SETD2: variants seen among roughly 807,000 people sequenced by gnomAD.
SETD2 encodes the protein SET domain containing 2, histone lysine methyltransferase, also known as histone-lysine N-methyltransferase SETD2.
Under a neutral mutation model 242.1 loss-of-function variants are expected in SETD2, and 31 were observed. The observed-to-expected ratio is 0.13, with a 90% CI of 0.10 to 0.17. The LOEUF (loss-of-function observed/expected upper bound fraction) is 0.17. Among genes scored for constraint, SETD2 ranks in the 10% least tolerant of loss-of-function variants. The pLI is 1.00. For missense variants in SETD2, 2,481 were observed against 3,046.3 expected (o/e 0.81, Z 4.37); for synonymous variants, 1,006 against 1,066.5 (o/e 0.94, Z 1.11).
chr3:47,129,365 G>A (rs1331523287), intron 1 of SETD2, among the ~76,000 whole-genome samples: 1 of 152,190 alleles, frequency 6.6e-6, no homozygotes, highest in Non-Finnish European at 1.5e-5. Flanking sequence ...CAACTTTCCA[G>A]AGACAACTAC....
chr3:47,084,410 C>A (rs1276157489), intron 11 of SETD2, 28 bp from the exon 12 acceptor site: 1 of 1,449,144 alleles, frequency 6.9e-7, no homozygotes, highest in Non-Finnish European at 9.4e-7. Context: ...AAAATTACAT[C>A]ACTTTGTACA....
At chr3:47,143,548 T>C (rs1433821402) in intron 1 of SETD2, among the ~76,000 whole-genome samples, 1 of 152,246 alleles carries the variant, frequency 6.6e-6, no homozygotes. Flanking sequence ...AATTGCTATC[T>C]AGTCTACTGA....
At chr3:47,037,553 C>T in intron 18 of SETD2, 113 bp downstream of exon 18, 2 of 731,838 alleles carry the variant, frequency 2.7e-6, no homozygotes, top group Admixed American at 4.2e-5. Flanking sequence ...TTGATACATG[C>T]ATAGTCACTC....
intron 6 of SETD2, 82 bp from the exon 7 acceptor site, chr3:47,103,505 T>G: frequency 7.2e-6 from 7 of 978,488 alleles, no homozygotes; most frequent in South Asian, 1.3e-5. Flanking sequence ...CATACATCTC[T>G]TATGCATCAA....
At chr3:47,099,229 A>G (rs1432628049) in intron 8 of SETD2, among the ~76,000 whole-genome samples, 3 of 152,192 alleles carry the variant, frequency 2.0e-5, no homozygotes, top group South Asian at 2.1e-4. Flanking sequence ...ACCTCATCAT[A>G]TGGTAGCATT....
intron 1 of SETD2, among the ~76,000 whole-genome samples, chr3:47,147,855 G>A (rs1184569067): frequency 6.7e-5 from 10 of 148,958 alleles, no homozygotes; most frequent in Admixed American, 2.0e-4. Context: ...CCCGGGAGGC[G>A]GAGCTTGCAG....
chr3:47,041,487 CA>C (rs1021341029), intron 17 of SETD2: 18 of 203,208 alleles, frequency 8.9e-5, no homozygotes, highest in Middle Eastern at 1.9e-3. Flanking sequence ...TCTGTCTCTA[CA>C]AAAAAAAGAA....
chr3:47,155,888 T>G (rs1253064050), intron 1 of SETD2, among the ~76,000 whole-genome samples: 1 of 152,134 alleles, frequency 6.6e-6, no homozygotes, highest in East Asian at 1.9e-4. Flanking sequence ...TTCAGTGACT[T>G]AGGTGTAAAT....
intron 18 of SETD2, 25 bp downstream of exon 18, chr3:47,037,641 A>T: frequency 6.4e-7 from 1 of 1,557,446 alleles, no homozygotes; most frequent in South Asian, 1.1e-5. Flanking sequence ...AATGATCAGG[A>T]AATACATGTG....
chr3:47,111,902 A>G (rs904538836), intron 5 of SETD2, among the ~76,000 whole-genome samples: 1 of 152,122 alleles, frequency 6.6e-6, no homozygotes, highest in Non-Finnish European at 1.5e-5. Context: ...ATTAAACCCC[A>G]CCAAGTCCTG....
chr3:47,105,543 G>T, intron 6 of SETD2: 1 of 239,592 alleles, frequency 4.2e-6, no homozygotes, highest in Non-Finnish European at 8.5e-6. Flanking sequence ...TTTCTACCTT[G>T]TCATGCAACA....
intron 13 of SETD2, among the ~76,000 whole-genome samples, chr3:47,065,105 A>C (rs2040504541): frequency 6.6e-6 from 1 of 152,180 alleles, no homozygotes; most frequent in Non-Finnish European, 1.5e-5. Context: ...GTTTTAACTC[A>C]GTGATCCCAG....
chr3:47,133,473 G>C (rs1044721081), intron 1 of SETD2, among the ~76,000 whole-genome samples: 7 of 152,098 alleles, frequency 4.6e-5, no homozygotes, highest in Non-Finnish European at 5.9e-5. Flanking sequence ...ATGTGGGCCA[G>C]GCGTGGTGGT....
upstream of SETD2, chr3:47,164,543 C>G (rs1697616526): frequency 6.6e-6 from 1 of 152,238 alleles, no homozygotes; most frequent in Admixed American, 6.5e-5. This position sits in a 1 kb window ranked among gnomAD's most constrained non-coding sequence, Gnocchi z 5.4. Flanking sequence ...CCGCCGGGAG[C>G]CCCGGAGTCC....
At chr3:47,116,802 A>G (rs1050883252) in intron 3 of SETD2, 48 bp from the exon 4 acceptor site, 2 of 1,318,998 alleles carry the variant, frequency 1.5e-6, no homozygotes, top group Admixed American at 3.8e-5. Flanking sequence ...TTTCCTGGTA[A>G]AGATATAACA....
chr3:47,050,244 T>C (rs574029238), intron 15 of SETD2, among the ~76,000 whole-genome samples: 84 of 151,980 alleles, frequency 5.5e-4, no homozygotes, highest in Non-Finnish European at 1.1e-3. Flanking sequence ...TTATCACATG[T>C]ACCCTGAAAA....
In SETD2 at chr3:47,124,567, A is replaced by T. The variant is rs1173261757; in HGVS notation, c.88-19T>A. On this transcript the variant is annotated intron_variant, in intron 2 of 20. Coordinates refer to ENST00000409792, the MANE Select transcript of SETD2 (RefSeq NM_014159.7). Reference sequence around the variant, plus strand: ...TCTTTGCCTACAAATGAACAAAATAAGCAATTACTACTACAATAAATAGTT... The same window carrying T: ...TCTTTGCCTACAAATGAACAAAATATGCAATTACTACTACAATAAATAGTT... 2 of 1,521,356 alleles carry T rather than the reference A, an allele frequency of 1.3e-6. No individual in the cohort carries two copies. Among genetic ancestry groups the T allele is most frequent in the Non-Finnish European group, 1.8e-6 (2 of 1,129,964 alleles). 94.2% of individuals were successfully genotyped at this position (1,521,356 alleles called of 1,614,324 possible).
At chr3:47,105,795 C>G (rs747141046) in intron 6 of SETD2, 1 of 507,742 alleles carries the variant, frequency 2.0e-6, no homozygotes. Context: ...CCCAGCTACT[C>G]AGGAAGCTGA....
chr3:47,022,612 T>G (rs2038283340), intron 18 of SETD2, among the ~76,000 whole-genome samples: 1 of 152,356 alleles, frequency 6.6e-6, no homozygotes, highest in Admixed American at 6.5e-5. Flanking sequence ...ATAATCAGTT[T>G]GCCTTTTCTC....
Sources: gnomAD v4.1 joint callset for allele counts (sites outside exome capture counted in the v4.1 genomes callset) on GRCh38, gnomAD v4.1.1 for gene constraint, Gnocchi (gnomAD v3.1) non-coding constraint, MANE v1.5 for transcripts, NCBI Gene and HGNC (gene_info 2026-07-23, HGNC 2026-07-21) for gene names.